The following DCAF8L2 variants were observed in gnomAD, a reference collection of about 807,000 sequenced individuals.
DCAF8L2 encodes DDB1 and CUL4 associated factor 8 like 2, also known as DDB1- and CUL4-associated factor 8-like protein 2.
For missense variants in DCAF8L2, 430 were observed against 490.7 expected, an observed-to-expected ratio of 0.88 and a Z score of 1.17; for synonymous variants, 200 against 190.9, an observed-to-expected ratio of 1.05 and a Z score of -0.39.
chrX:27,566,258 T>C, the DCAF8L2 span, among the ~76,000 whole-genome samples: 6 of 111,307 alleles, frequency 5.4e-5, no homozygotes, highest in Non-Finnish European at 1.1e-4. Context: ...TGCCTCCTTA[T>C]CTGTGCTTGC....
chrX:27,674,004 C>T (rs1215765564), intron 2 of DCAF8L2, among the ~76,000 whole-genome samples: 1 of 111,309 alleles, frequency 9.0e-6, no homozygotes, highest in African/African-American at 3.3e-5. Context: ...CCTTAAATCA[C>T]CCATCACAAC....
intron 1 of DCAF8L2, among the ~76,000 whole-genome samples, chrX:27,629,500 C>T (rs1414303344): frequency 9.4e-6 from 1 of 106,906 alleles, no homozygotes; most frequent in Non-Finnish European, 1.9e-5. Context: ...CCTTTTCTCT[C>T]TCTCTCTCTT....
At chrX:27,503,636 T>G in the DCAF8L2 span, among the ~76,000 whole-genome samples, 3 of 111,491 alleles carry the variant, frequency 2.7e-5, no homozygotes, top group African/African-American at 9.8e-5. Context: ...TTCTCTGTTT[T>G]GTTCCATTAT....
At chrX:27,482,641 T>G in the DCAF8L2 span, among the ~76,000 whole-genome samples, 2 of 111,802 alleles carry the variant, frequency 1.8e-5, no homozygotes, top group Non-Finnish European at 3.8e-5. Context: ...TTGAGAATGC[T>G]CCTTTACAAA....
chrX:27,547,722 A>G, the DCAF8L2 span, among the ~76,000 whole-genome samples: 546 of 111,151 alleles, frequency 4.9e-3, 4 homozygotes, highest in African/African-American at 0.017. Flanking sequence ...CTCTCTTGAC[A>G]TGTGGGGATT....
chrX:27,677,438 G>C (rs1186727487), intron 2 of DCAF8L2, among the ~76,000 whole-genome samples: 1 of 112,055 alleles, frequency 8.9e-6, no homozygotes, highest in Non-Finnish European at 1.9e-5. Context: ...TGTGAGAGGA[G>C]TTTCACCTGA....
chrX:27,577,219 T>C, the DCAF8L2 span, among the ~76,000 whole-genome samples: 1 of 111,901 alleles, frequency 8.9e-6, no homozygotes, highest in Non-Finnish European at 1.9e-5. Flanking sequence ...AGGAAGTCAA[T>C]TACAATTAGA....
At chrX:27,592,650 T>G (rs111492671) in intron 1 of DCAF8L2, among the ~76,000 whole-genome samples, 13,025 of 109,215 alleles carry the variant, frequency 0.12, 1,690 homozygotes, top group African/African-American at 0.38. Context: ...TGTTGGCCAG[T>G]ATGGTCTCGA....
At chrX:27,688,767 A>G (rs1294823666) in intron 3 of DCAF8L2, among the ~76,000 whole-genome samples, 1 of 112,087 alleles carries the variant, frequency 8.9e-6, no homozygotes, top group Non-Finnish European at 1.9e-5. Context: ...GTCTCTAATG[A>G]TGACAATGAG....
intron 4 of DCAF8L2, among the ~76,000 whole-genome samples, chrX:27,728,376 T>C (rs1415569676): frequency 4.5e-5 from 5 of 110,947 alleles, no homozygotes; most frequent in African/African-American, 1.6e-4. Flanking sequence ...GGAATCTCCT[T>C]TGGACCTCAC....
chrX:27,535,042 C>T, the DCAF8L2 span, among the ~76,000 whole-genome samples: 5 of 112,137 alleles, frequency 4.5e-5, no homozygotes, highest in South Asian at 3.7e-4. Flanking sequence ...AAATTCTATG[C>T]GGAAAATACT....
chrX:27,488,835 T>G, the DCAF8L2 span, among the ~76,000 whole-genome samples: 1 of 109,453 alleles, frequency 9.1e-6, no homozygotes, highest in Non-Finnish European at 1.9e-5. Flanking sequence ...TTTTTTTTTG[T>G]TTTTTGTTTT....
chrX:27,624,404 G>A (rs934004424), intron 1 of DCAF8L2, among the ~76,000 whole-genome samples: 1 of 110,651 alleles, frequency 9.0e-6, no homozygotes. Flanking sequence ...TGGATAGGAA[G>A]GATGAATGTT....
chrX:27,717,981 T>A (rs1931759521), intron 4 of DCAF8L2, among the ~76,000 whole-genome samples: 1 of 112,145 alleles, frequency 8.9e-6, no homozygotes, highest in Non-Finnish European at 1.9e-5. Context: ...TATAAAATAT[T>A]CTATTTTACT....
In DCAF8L2 at chrX:27,748,720, G is replaced by T; in HGVS notation, c.1825G>T (p.Asp609Tyr). The T allele has an allele frequency of 8.3e-7, 1 of 1,199,177 alleles. No homozygotes were observed. Among genetic ancestry groups the T allele is most frequent in the Non-Finnish European group, 1.1e-6 (1 of 887,907 alleles). ...AGCTGAATTTCCAGATGAAGAATCG[G>T]ATGAGTCTTCCAGCACTTCAGAGAC... ...GEAEFPDEES[D>Y]ESSSTSETSE... Residue 609 changes from aspartate to tyrosine, a missense_variant, in exon 5 of 5, where the codon GAT becomes TAT. Transcript: ENST00000451261.
Position 27,749,325 on chromosome X carries a change from C to G in DCAF8L2, c.*534C>G. ...ATACTGACACTTGGCCGCACACACA[C>G]AGTCTCAGAAAAGGAAAAGAGAAGT... On this transcript the variant is annotated 3_prime_UTR_variant, in exon 5 of 5. Transcript: ENST00000451261. Among the ~76,000 whole-genome samples, 1 of 111,799 alleles carries G rather than the reference C, an allele frequency of 8.9e-6. No individual in the cohort carries two copies.
At chrX:27,640,648 A>G (rs1239759732) in intron 2 of DCAF8L2, among the ~76,000 whole-genome samples, 2 of 111,987 alleles carry the variant, frequency 1.8e-5, no homozygotes, top group Non-Finnish European at 1.9e-5. Flanking sequence ...ACTTCATAAA[A>G]AACTACTAAA....
the DCAF8L2 span, among the ~76,000 whole-genome samples, chrX:27,501,357 G>A: frequency 3.7e-5 from 4 of 109,549 alleles, no homozygotes; most frequent in Admixed American, 9.8e-5. Context: ...CTGGGTGACC[G>A]ATGGGTGATT....
chrX:27,690,741 A>G (rs759312875), intron 3 of DCAF8L2, among the ~76,000 whole-genome samples: 1 of 111,694 alleles, frequency 9.0e-6, no homozygotes, highest in South Asian at 3.7e-4. Context: ...TTCACTGGCT[A>G]TGGCATACCA....
Sources: gnomAD v4.1 joint callset for allele counts (sites outside exome capture counted in the v4.1 genomes callset) on GRCh38, gnomAD v4.1.1 for gene constraint, MANE v1.5 for transcripts, NCBI Gene and HGNC (gene_info 2026-07-23, HGNC 2026-07-21) for gene names.